EFTUD2: variants seen among roughly 807,000 people sequenced by gnomAD.
The protein encoded by EFTUD2 is 116 kDa U5 small nuclear ribonucleoprotein component.
Under a neutral mutation model 114.3 loss-of-function variants are expected in EFTUD2, and 9 were observed. The observed-to-expected ratio is 0.08, with a 90% CI of 0.05 to 0.14. EFTUD2 has a LOEUF of 0.14. Among genes scored for constraint, EFTUD2 ranks in the 10% least tolerant of loss-of-function variants. EFTUD2 has a pLI of 1.00. For missense variants in EFTUD2, 765 were observed against 1,241.2 expected (o/e 0.62, Z 5.76); for synonymous variants, 449 against 462.3 (o/e 0.97, Z 0.37).
Position 44,850,501 on chromosome 17 carries a change from G to A in EFTUD2, c.*773C>T. 1 of 819,362 alleles carries A rather than the reference G, an allele frequency of 1.2e-6. No individual in the cohort carries two copies. The allele number at this position is 819,362 out of a possible 1,614,324, so 50.8% of individuals were successfully genotyped here. A position where few individuals can be genotyped will look rare whatever the true frequency, so the allele number is the denominator to read the frequency against. ...ATCAACAGACTCTTTTTCACTGGGG[G>A]AGAACAGAGTAAGGGACTGGTGGTA... On this transcript the variant is annotated 3_prime_UTR_variant, in exon 28 of 28. Transcript: ENST00000426333.
chr17:44,862,555 G>A (rs996461889), intron 16 of EFTUD2, among the ~76,000 whole-genome samples, 158 bp downstream of exon 16: 2 of 152,214 alleles, frequency 1.3e-5, no homozygotes, highest in African/African-American at 4.8e-5. Flanking sequence ...GGGACAGGAA[G>A]AACTTGAAGT....
chr17:44,871,878 G>C (rs1400614626), intron 11 of EFTUD2, among the ~76,000 whole-genome samples: 1 of 152,184 alleles, frequency 6.6e-6, no homozygotes, highest in Non-Finnish European at 1.5e-5. Flanking sequence ...ATTCCTATTG[G>C]AATCTGAGGT....
chr17:44,870,979 T>C (rs989140119), intron 11 of EFTUD2, among the ~76,000 whole-genome samples: 3 of 152,036 alleles, frequency 2.0e-5, no homozygotes, highest in Non-Finnish European at 4.4e-5. Context: ...GATCGTGCCA[T>C]TACACTCCAG....
chr17:44,862,367 G>A (rs1185354126), intron 16 of EFTUD2, among the ~76,000 whole-genome samples: 2 of 152,088 alleles, frequency 1.3e-5, no homozygotes, highest in Admixed American at 6.6e-5. Flanking sequence ...CCCAGGAGGC[G>A]GAGGTCGCAG....
At chr17:44,858,623 G>A (rs79224390) in intron 19 of EFTUD2, among the ~76,000 whole-genome samples, 24 of 152,032 alleles carry the variant, frequency 1.6e-4, no homozygotes, top group Non-Finnish European at 3.2e-4. Context: ...CACTGGGCTG[G>A]TTTGTAGAGA....
chr17:44,896,601 C>G (rs189880066), intron 1 of EFTUD2, among the ~76,000 whole-genome samples: 2 of 152,178 alleles, frequency 1.3e-5, no homozygotes, highest in Non-Finnish European at 2.9e-5. Flanking sequence ...GAGCTGAGAT[C>G]GCACCACTGC....
Position 44,890,354 on chromosome 17 carries a change from C to T in EFTUD2, c.106-3604G>A, listed in dbSNP as rs79013840. Among the ~76,000 whole-genome samples, 1,328 of 150,994 alleles carry T rather than the reference C, an allele frequency of 8.8e-3. 17 individuals carry two copies. The highest frequency in any genetic ancestry group is 0.03 in the African/African-American group (1,244 of 41,128). ...ACATCTTTCTTTCCTGTCCCCATTA[C>T]CAAAATCTATGCATCTCTACTGTTA... is the stretch of plus-strand genomic sequence containing the variant. On this transcript the variant is annotated intron_variant, in intron 2 of 27. Coordinates refer to ENST00000426333, the MANE Select transcript of EFTUD2 (RefSeq NM_004247.4).
chr17:44,854,803 A>G lies in EFTUD2; in HGVS notation c.2132+115T>C. 2 of 1,574,890 alleles carry G rather than the reference A, an allele frequency of 1.3e-6. No individual in the cohort carries two copies. Among genetic ancestry groups the G allele is most frequent in the Non-Finnish European group, 1.7e-6 (2 of 1,149,120 alleles). ...TCCTACCCACTGTGCCCAGAACAAG[A>G]GCAAAGGCAAAGACATAAATGCTCC... On this transcript the variant is annotated intron_variant, in intron 21 of 27. Transcript: ENST00000426333. This position sits in a 1 kb window ranked among gnomAD's most constrained non-coding sequence, Gnocchi z 4.3.
At chr17:44,898,155 G>C (rs1377769348) in intron 1 of EFTUD2, among the ~76,000 whole-genome samples, 3 of 152,028 alleles carry the variant, frequency 2.0e-5, no homozygotes, top group Non-Finnish European at 4.4e-5. Context: ...AGCTACTATC[G>C]CATTTATGCT....
At chr17:44,876,881 A>AC (rs2050967679) in intron 9 of EFTUD2, among the ~76,000 whole-genome samples, 1 of 145,646 alleles carries the variant, frequency 6.9e-6, no homozygotes, top group African/African-American at 2.5e-5. Flanking sequence ...AAAAAAAAAA[A>AC]CTACTCCCCA....
chr17:44,875,877 C>T, intron 10 of EFTUD2, 57 bp downstream of exon 10: 1 of 1,580,594 alleles, frequency 6.3e-7, no homozygotes, highest in African/African-American at 1.3e-5. Context: ...CAGAGGTATT[C>T]AGGGTTAAAA....
chr17:44,883,241 T>A, intron 5 of EFTUD2, 83 bp from the exon 6 acceptor site: 1 of 1,287,640 alleles, frequency 7.8e-7, no homozygotes, highest in Non-Finnish European at 1.1e-6. Context: ...ATACACCACA[T>A]AATTTAGGGA....
In EFTUD2 at chr17:44,850,405, T is replaced by A. The variant is rs767506308; in HGVS notation, c.*869A>T. On this transcript the variant is annotated 3_prime_UTR_variant, in exon 28 of 28. Transcript: ENST00000426333. ...ATGCTGGAGAGAAGTAGGACTCCTA[T>A]AGGAGCCGGGGCTGTCCAACTCCCC... The A allele has an allele frequency of 5.6e-6, 9 of 1,608,086 alleles. No individual in the cohort carries two copies. Among genetic ancestry groups the A allele is most frequent in the Non-Finnish European group, 7.7e-6 (9 of 1,175,702 alleles).
At chr17:44,853,180 G>A (rs1339991321) in intron 25 of EFTUD2, 116 bp downstream of exon 25, 2 of 1,059,730 alleles carry the variant, frequency 1.9e-6, no homozygotes, top group African/African-American at 1.6e-5. Context: ...CAGCTCTCGG[G>A]GTTTCCAGAG....
At chr17:44,861,328 C>G (rs2050654886) in intron 16 of EFTUD2, among the ~76,000 whole-genome samples, 1 of 151,822 alleles carries the variant, frequency 6.6e-6, no homozygotes, top group Non-Finnish European at 1.5e-5. Flanking sequence ...ACCTATAACC[C>G]TGGCTACTTG....
chr17:44,884,185 G>T (rs529333597), intron 4 of EFTUD2: 34 of 154,932 alleles, frequency 2.2e-4, no homozygotes, highest in African/African-American at 7.7e-4. Flanking sequence ...ACCACGACCA[G>T]CTAATTTTTG....
chr17:44,888,205 C>G (rs2051211401), intron 2 of EFTUD2, among the ~76,000 whole-genome samples: 1 of 152,180 alleles, frequency 6.6e-6, no homozygotes, highest in African/African-American at 2.4e-5. Flanking sequence ...GAACAGGAAG[C>G]TGCGATCACA....
chr17:44,856,832 G>C (rs977355911), intron 20 of EFTUD2, among the ~76,000 whole-genome samples: 1 of 151,906 alleles, frequency 6.6e-6, no homozygotes. Flanking sequence ...ATTTTATAGA[G>C]ACAAAGTGGC....
intron 1 of EFTUD2, among the ~76,000 whole-genome samples, chr17:44,898,499 C>T (rs183629400): frequency 6.6e-6 from 1 of 152,152 alleles, no homozygotes; most frequent in African/African-American, 2.4e-5. Flanking sequence ...GGATTACAGG[C>T]GTGAGCCACC....
Sources: gnomAD v4.1 joint callset for allele counts (sites outside exome capture counted in the v4.1 genomes callset) on GRCh38, gnomAD v4.1.1 for gene constraint, Gnocchi (gnomAD v3.1) non-coding constraint, MANE v1.5 for transcripts, NCBI Gene and HGNC (gene_info 2026-07-23, HGNC 2026-07-21) for gene names.